Variants in PTER observed in about 807,000 individuals in gnomAD.
PTER encodes phosphotriesterase related.
PTER carries 38 observed loss-of-function variants against 29.6 expected under a neutral mutation model. The observed-to-expected ratio is 1.28, with a 90% CI of 0.99 to 1.68. The LOEUF (loss-of-function observed/expected upper bound fraction) is 1.68. PTER is among the 40% of genes most tolerant of loss of function. The pLI is 0.00. For synonymous variants in PTER, 172 were observed against 154.5 expected (o/e 1.11, Z -0.84); for missense variants, 482 against 427.8 (o/e 1.13, Z -1.12).
At chr10:16,456,175 A>C (rs1189178095) in intron 1 of PTER, among the ~76,000 whole-genome samples, 2 of 152,358 alleles carry the variant, frequency 1.3e-5, no homozygotes, top group East Asian at 3.9e-4. Context: ...TGAGACTCAA[A>C]GCAGCTCTAA....
At chr10:16,488,507 A>T (rs973292140) in intron 3 of PTER, among the ~76,000 whole-genome samples, 2 of 152,078 alleles carry the variant, frequency 1.3e-5, no homozygotes, top group Non-Finnish European at 1.5e-5. Flanking sequence ...TGCAGTTATT[A>T]TACAGTGTAA....
downstream of PTER, among the ~76,000 whole-genome samples, chr10:16,518,198 A>G (rs1378812028): frequency 3.9e-5 from 6 of 152,252 alleles, no homozygotes; most frequent in Admixed American, 3.9e-4. Flanking sequence ...AGATTTTAAA[A>G]GATTTCTCAT....
chr10:16,477,873 C>T (rs1323760070), intron 1 of PTER, among the ~76,000 whole-genome samples: 3 of 152,198 alleles, frequency 2.0e-5, no homozygotes, highest in Non-Finnish European at 4.4e-5. Flanking sequence ...TGATCAAATA[C>T]AGCTAAAGAC....
At chr10:16,491,912 T>G (rs1017540682) in intron 3 of PTER, among the ~76,000 whole-genome samples, 3 of 152,016 alleles carry the variant, frequency 2.0e-5, no homozygotes, top group African/African-American at 7.3e-5. Flanking sequence ...TATACAATCT[T>G]CATTAGGATT....
intron 1 of PTER, among the ~76,000 whole-genome samples, chr10:16,481,370 T>C (rs542396606): frequency 1.3e-5 from 2 of 152,310 alleles, no homozygotes; most frequent in Non-Finnish European, 2.9e-5. Flanking sequence ...GGGAAGGCCA[T>C]GAATAACCTC....
intron 1 of PTER, among the ~76,000 whole-genome samples, chr10:16,442,416 A>T (rs1833880628): frequency 6.6e-6 from 1 of 152,160 alleles, no homozygotes; most frequent in Non-Finnish European, 1.5e-5. Context: ...TGAAATAAAG[A>T]TTTATTTGGT....
chr10:16,484,887 G>C (rs570810096), intron 2 of PTER, 71 bp downstream of exon 2: 3 of 1,464,952 alleles, frequency 2.0e-6, no homozygotes, highest in Admixed American at 5.1e-5. Context: ...GAAATGCCCT[G>C]GGTTCAGAGG....
intron 4 of PTER, among the ~76,000 whole-genome samples, chr10:16,508,224 A>G (rs964160461): frequency 1.3e-5 from 2 of 150,966 alleles, no homozygotes; most frequent in Non-Finnish European, 3.0e-5. Flanking sequence ...ACCCGCCACC[A>G]CGCCCGGCTA....
chr10:16,444,217 A>G (rs999417407), intron 1 of PTER, among the ~76,000 whole-genome samples: 5 of 151,926 alleles, frequency 3.3e-5, no homozygotes, highest in South Asian at 2.1e-4. Context: ...GATGGTCTCA[A>G]TCTCTTGACT....
intron 3 of PTER, among the ~76,000 whole-genome samples, chr10:16,487,703 CTG>C (rs1441428653): frequency 5.9e-5 from 9 of 152,164 alleles, no homozygotes; most frequent in Admixed American, 4.6e-4. Flanking sequence ...ACAAGTCTAA[CTG>C]TTGCTAAGGC....
At chr10:16,465,418 C>G (rs1211309638) in intron 1 of PTER, among the ~76,000 whole-genome samples, 1 of 152,158 alleles carries the variant, frequency 6.6e-6, no homozygotes, top group African/African-American at 2.4e-5. Flanking sequence ...GTTTGGAAAG[C>G]TGATTTCCTT....
intron 1 of PTER, among the ~76,000 whole-genome samples, chr10:16,440,156 C>T (rs1833796137): frequency 1.3e-5 from 2 of 150,868 alleles, no homozygotes; most frequent in African/African-American, 4.9e-5. Context: ...ACCTCTGCCT[C>T]CCAGGTTTAA....
At chr10:16,506,640 A>G (rs746553055) in intron 4 of PTER, among the ~76,000 whole-genome samples, 12 of 152,110 alleles carry the variant, frequency 7.9e-5, no homozygotes, top group Non-Finnish European at 1.6e-4. Context: ...CTCCATGGAA[A>G]TGAGAGGGCA....
intron 1 of PTER, among the ~76,000 whole-genome samples, chr10:16,439,220 CAGG>C (rs1313893892): frequency 6.6e-6 from 1 of 151,992 alleles, no homozygotes; most frequent in East Asian, 1.9e-4. Context: ...GCTAGTGAGA[CAGG>C]AGGAAAATCA....
chr10:16,462,443 C>T (rs996048781), intron 1 of PTER, among the ~76,000 whole-genome samples: 2 of 152,058 alleles, frequency 1.3e-5, no homozygotes, highest in Non-Finnish European at 2.9e-5. Flanking sequence ...TTTTCTGAGT[C>T]TGACTTTAGG....
intron 1 of PTER, among the ~76,000 whole-genome samples, chr10:16,466,828 A>T (rs1016433154): frequency 6.6e-6 from 1 of 152,252 alleles, no homozygotes; most frequent in Non-Finnish European, 1.5e-5. Flanking sequence ...CTGTGATTCA[A>T]AGTTTATTTA....
At chr10:16,506,335 G>A (rs951916426) in intron 4 of PTER, among the ~76,000 whole-genome samples, 5 of 152,094 alleles carry the variant, frequency 3.3e-5, no homozygotes, top group African/African-American at 4.8e-5. Context: ...AAGGATCAAG[G>A]GAAGCTTCTA....
At chr10:16,501,039 C>T (rs1836317199) in intron 3 of PTER, among the ~76,000 whole-genome samples, 1 of 152,104 alleles carries the variant, frequency 6.6e-6, no homozygotes, top group South Asian at 2.1e-4. Flanking sequence ...TCAAGCGATT[C>T]TTCTGCCTCA....
intron 1 of PTER, among the ~76,000 whole-genome samples, chr10:16,480,318 T>C (rs1312862839): frequency 1.3e-5 from 2 of 151,166 alleles, no homozygotes; most frequent in African/African-American, 4.9e-5. Flanking sequence ...GCCTCCCGAG[T>C]AGCCTCCCGA....
Sources: allele counts gnomAD v4.1 joint callset (sites outside exome capture counted in the v4.1 genomes callset), GRCh38; gene constraint gnomAD v4.1.1; transcripts MANE v1.5; gene names NCBI Gene and HGNC (gene_info 2026-07-23, HGNC 2026-07-21).